Variants in TSBP1 observed in about 807,000 individuals in gnomAD.
The protein encoded by TSBP1 is testis-expressed basic protein 1.
TSBP1 carries 56 observed loss-of-function variants against 68.8 expected under a neutral mutation model. The ratio of observed to expected loss-of-function variants is 0.81; its 90% CI spans 0.66 to 1.02. The LOEUF (loss-of-function observed/expected upper bound fraction) is 1.02, where lower values mean the gene tolerates loss of function less well. Among genes scored for constraint, TSBP1 ranks in the 50% least tolerant of loss-of-function variants. The pLI, the probability that TSBP1 is intolerant of heterozygous loss-of-function variation, is 0.00. For synonymous variants in TSBP1, 171 were observed against 208.7 expected (o/e 0.82, Z 1.56); for missense variants, 502 against 641.2 (o/e 0.78, Z 2.34).
intron 18 of TSBP1, chr6:32,320,264 T>C (rs575765): frequency 0.39 from 177,441 of 449,662 alleles, 38,676 homozygotes; most frequent in Middle Eastern, 0.56. Context: ...ATTATGCACA[T>C]TGCATGGGTA....
At position 32,304,533 on chromosome 6, in the gene TSBP1, C is replaced by G. The variant is rs12660769; in HGVS notation, c.581-1904G>C. Among the ~76,000 whole-genome samples the G allele has an allele frequency of 0.08, 12,189 of 151,948 alleles. 718 individuals are homozygous for G. Among genetic ancestry groups the G allele is most frequent in the East Asian group, 0.093 (481 of 5,168 alleles). On this transcript the variant is annotated intron_variant, in intron 19 of 22. Coordinates refer to ENST00000612031, the Ensembl canonical transcript of TSBP1. The surrounding 1 kb of genome is among the most constrained non-coding windows in gnomAD (Gnocchi z 4.8). ...AATATCCAGGCCATTTTGAATGGCA[C>G]GTATGATGGGTTATATAAGTGAAGG...
At chr6:32,345,698 G>A (rs1770933374) in intron 9 of TSBP1, among the ~76,000 whole-genome samples, 1 of 152,224 alleles carries the variant, frequency 6.6e-6, no homozygotes, top group South Asian at 2.1e-4. Flanking sequence ...ATACATGTAT[G>A]GGTAATGGAC....
intron 22 of TSBP1, among the ~76,000 whole-genome samples, chr6:32,295,413 TTTA>T (rs1764612684): frequency 6.7e-6 from 1 of 149,920 alleles, no homozygotes; most frequent in Non-Finnish European, 1.5e-5. Flanking sequence ...GTTTAATGGG[TTTA>T]TTAAGGTAAA....
Position 32,365,994 on chromosome 6 carries a change from T to C in TSBP1, c.217+173A>G. Reference sequence around the variant, plus strand: ...AGGAATTGCATAGCTTTGGGGAAAATGGTGCCTCATAGCGTGATGGTGAAC... The same window carrying C: ...AGGAATTGCATAGCTTTGGGGAAAACGGTGCCTCATAGCGTGATGGTGAAC... On this transcript the variant is annotated intron_variant, in intron 6 of 22. Transcript: ENST00000612031. The surrounding 1 kb of genome is among the most constrained non-coding windows in gnomAD (Gnocchi z 4.3). The C allele has an allele frequency of 1.0e-6, 1 of 979,550 alleles. No individual in the cohort carries two copies. Among genetic ancestry groups the C allele is most frequent in the Non-Finnish European group, 1.6e-6 (1 of 635,928 alleles). The allele number at this position is 979,550 out of a possible 1,614,324, so 60.7% of individuals were successfully genotyped here.
At chr6:32,308,597 C>CAAAAAAAAAAA (rs9279570) in intron 19 of TSBP1, among the ~76,000 whole-genome samples, 1 of 108,548 alleles carries the variant, frequency 9.2e-6, no homozygotes, top group African/African-American at 3.8e-5. Flanking sequence ...GACTCCGTCT[C>CAAAAAAAAAAA]AAAAAAAAAA....
At position 32,302,855 on chromosome 6, in the gene TSBP1, C is replaced by T. The variant is rs1408909372; in HGVS notation, c.581-226G>A. Among the ~76,000 whole-genome samples the T allele has an allele frequency of 6.6e-6, 1 of 152,200 alleles. No homozygotes were observed. Among genetic ancestry groups the T allele is most frequent in the Non-Finnish European group, 1.5e-5 (1 of 68,040 alleles). On this transcript the variant is annotated intron_variant, in intron 19 of 22. Coordinates refer to ENST00000612031, the Ensembl canonical transcript of TSBP1. This position sits in a 1 kb window ranked among gnomAD's most constrained non-coding sequence, Gnocchi z 5.1. ...ACTTATTGTTGTCTCTCTAATTGAG[C>T]TCTCTGCTTTCACCCTTGCCTCCCA...
Position 32,302,104 on chromosome 6 carries a change from T to C in TSBP1, c.601+505A>G, listed in dbSNP as rs1765363864. ...TTTATATATTGTCTATGACTGTTTT[T>C]GTGCTACAACAGCAGGGTTGAGTAG... is the stretch of plus-strand genomic sequence containing the variant. On this transcript the variant is annotated intron_variant, in intron 20 of 22. Transcript: ENST00000612031. This position sits in a 1 kb window ranked among gnomAD's most constrained non-coding sequence, Gnocchi z 5.1. Among the ~76,000 whole-genome samples, 1 of 152,058 alleles carries C rather than the reference T, an allele frequency of 6.6e-6. No homozygotes were observed. The highest frequency in any genetic ancestry group is 1.5e-5 in the Non-Finnish European group (1 of 68,000).
In TSBP1 at chr6:32,319,239, C is replaced by T. The variant is rs149400201; in HGVS notation, c.560-3447G>A. ...TTTTTCCCTTAAAATCACATTCAGT[C>T]GAACAGCAGGCCCTGTTGGCTTTGC... On this transcript the variant is annotated intron_variant, in intron 18 of 22. Transcript: ENST00000612031. Among the ~76,000 whole-genome samples the T allele has an allele frequency of 3.2e-4, 48 of 152,218 alleles. 1 individual carries two copies. The highest frequency in any genetic ancestry group is 1.1e-3 in the African/African-American group (47 of 41,528).
In TSBP1 at chr6:32,292,980, C is replaced by T. The variant is rs1162304210; in HGVS notation, c.*1G>A. On this transcript the variant is annotated 3_prime_UTR_variant, in exon 23 of 23. Coordinates refer to ENST00000612031, the Ensembl canonical transcript of TSBP1. The surrounding 1 kb of genome is among the most constrained non-coding windows in gnomAD (Gnocchi z 4.1). ...CTTATGGGCCTTTAAAAAATTTATC[C>T]TTACTCTTCCACTTTTTTGTTGTAC... 6.3e-7 allele frequency: 1 copy of T among 1,587,070 alleles called. No individual in the cohort carries two copies. The highest frequency in any genetic ancestry group is 8.6e-7 in the Non-Finnish European group (1 of 1,168,602).
At chr6:32,351,503 TAAG>T (rs1771716191) in intron 8 of TSBP1, among the ~76,000 whole-genome samples, 1 of 152,044 alleles carries the variant, frequency 6.6e-6, no homozygotes, top group South Asian at 2.1e-4. Context: ...TCAGTGCAGA[TAAG>T]AAATATAAAA....
At chr6:32,360,482 A>C (rs1772878071) in intron 6 of TSBP1, among the ~76,000 whole-genome samples, 1 of 151,976 alleles carries the variant, frequency 6.6e-6, no homozygotes, top group Non-Finnish European at 1.5e-5. Context: ...TATCCCGGGT[A>C]TTGTAAATAA....
In TSBP1 at chr6:32,340,166, C is replaced by T. The variant is rs1770173665; in HGVS notation, c.350-528G>A. 6.6e-6 allele frequency among the ~76,000 whole-genome samples: 1 copy of T among 152,008 alleles called. No individual in the cohort carries two copies. The highest frequency in any genetic ancestry group is 2.4e-5 in the African/African-American group (1 of 41,372). On this transcript the variant is annotated intron_variant, in intron 9 of 22. Coordinates refer to ENST00000612031, the Ensembl canonical transcript of TSBP1. This position sits in a 1 kb window ranked among gnomAD's most constrained non-coding sequence, Gnocchi z 4.8. ...TGTTATTTTAATCTTTAAAACAACC[C>T]TATCTTCTTGTGTACCTTAGTACCT...
rs868055279 is a variant in TSBP1 at position 32,359,334 on chromosome 6, C to T, written c.218-3665G>A. Among the ~76,000 whole-genome samples, 47 of 152,218 alleles carry T rather than the reference C, an allele frequency of 3.1e-4. 1 individual carries two copies. Among genetic ancestry groups the T allele is most frequent in the African/African-American group, 1.1e-3 (46 of 41,536 alleles). ...TGTTTCCTGACTTTTTAATGATCGC[C>T]ATTCTAACTGGTGTGAGATGGTATC... On this transcript the variant is annotated intron_variant, in intron 6 of 22. Transcript: ENST00000612031.
intron 16 of TSBP1, among the ~76,000 whole-genome samples, chr6:32,330,197 G>C (rs527642918): frequency 2.0e-5 from 3 of 152,190 alleles, no homozygotes; most frequent in Admixed American, 1.3e-4. Context: ...TCTCCCTTTT[G>C]TATTTATTCT....
At position 32,339,645 on chromosome 6, in the gene TSBP1, T is replaced by TA; in HGVS notation, c.350-8dup. On this transcript the variant is annotated splice_region_variant and splice_polypyrimidine_tract_variant and intron_variant, in intron 9 of 22. Coordinates refer to ENST00000612031, the Ensembl canonical transcript of TSBP1. ...TGTAAACATTTTATACTACCTATAATAAAAATTGAAAAGTGTAACATTATT... is the reference window on the plus strand; with the variant it reads ...TGTAAACATTTTATACTACCTATAATAAAAAATTGAAAAGTGTAACATTATT... 8.6e-7 allele frequency: 1 copy of TA among 1,159,488 alleles called. No individual in the cohort carries two copies. Among genetic ancestry groups the TA allele is most frequent in the Non-Finnish European group, 1.3e-6 (1 of 785,346 alleles). The allele number at this position is 1,159,488 out of a possible 1,614,324, so 71.8% of individuals were successfully genotyped here. A position where few individuals can be genotyped will look rare whatever the true frequency, so the allele number is the denominator to read the frequency against.
chr6:32,322,561 A>G, intron 18 of TSBP1, 55 bp from the exon 20 acceptor site: 1 of 1,308,420 alleles, frequency 7.6e-7, no homozygotes, highest in Non-Finnish European at 1.1e-6. Context: ...GAAAACACAT[A>G]GTATTATCTA....
intron 19 of TSBP1, among the ~76,000 whole-genome samples, chr6:32,309,173 C>T (rs1316842509): frequency 7.9e-5 from 12 of 152,092 alleles, no homozygotes. Context: ...TGGTCTCCAA[C>T]TCCTGAGCTC....
chr6:32,324,772 C>A, intron 16 of TSBP1: 2 of 1,483,438 alleles, frequency 1.3e-6, no homozygotes, highest in Non-Finnish European at 1.8e-6. Context: ...TAGTGATATA[C>A]TTGCTTGAAC....
rs1211366913 is a variant in TSBP1 at position 32,357,618 on chromosome 6, G to T, written c.218-1949C>A. 6.6e-6 allele frequency among the ~76,000 whole-genome samples: 1 copy of T among 152,218 alleles called. No individual in the cohort carries two copies. The highest frequency in any genetic ancestry group is 3.2e-3 in the Middle Eastern group (1 of 316). ...CAAGGAAACAAGGTAGGAGGCAAGA[G>T]ATATTGGTGTTTGGGCAAGGATTGT... On this transcript the variant is annotated intron_variant, in intron 6 of 22. Transcript: ENST00000612031. This position sits in a 1 kb window ranked among gnomAD's most constrained non-coding sequence, Gnocchi z 4.7.
Sources: allele counts gnomAD v4.1 joint callset (sites outside exome capture counted in the v4.1 genomes callset), GRCh38; gene constraint gnomAD v4.1.1; non-coding constraint Gnocchi (gnomAD v3.1); transcripts MANE v1.5; gene names NCBI Gene and HGNC (gene_info 2026-07-23, HGNC 2026-07-21).